The following GRIK1 variants were observed in gnomAD, a reference collection of about 807,000 sequenced individuals.
GRIK1 encodes glutamate ionotropic receptor kainate type subunit 1.
Under a neutral mutation model 105.7 loss-of-function variants are expected in GRIK1, and 69 were observed. The observed-to-expected ratio is 0.65, with a 90% CI of 0.54 to 0.80. The LOEUF (loss-of-function observed/expected upper bound fraction) is 0.80, where lower values mean the gene tolerates loss of function less well. Ranked by LOEUF, GRIK1 falls within the 30% of genes least tolerant of loss-of-function variation. GRIK1 has a pLI of 0.00. For synonymous variants in GRIK1, 438 were observed against 431.3 expected (o/e 1.02, Z -0.19); for missense variants, 1,109 against 1,167.3 (o/e 0.95, Z 0.73).
chr21:29,690,009 G>A, intron 2 of GRIK1, 24 bp from the exon 3 acceptor site: 1 of 1,337,834 alleles, frequency 7.5e-7, no homozygotes, highest in Non-Finnish European at 1.1e-6. Flanking sequence ...ACAAGGAGAG[G>A]ATGGGGAGGG....
At chr21:29,878,092 G>A (rs1465886570) in intron 1 of GRIK1, among the ~76,000 whole-genome samples, 1 of 151,730 alleles carries the variant, frequency 6.6e-6, no homozygotes, top group African/African-American at 2.4e-5. Context: ...GCTGAAGTAA[G>A]GGTATTTCTC....
At chr21:29,719,416 A>C (rs1426315282) in intron 1 of GRIK1, among the ~76,000 whole-genome samples, 1 of 152,114 alleles carries the variant, frequency 6.6e-6, no homozygotes, top group African/African-American at 2.4e-5. Flanking sequence ...CAATAAAGTA[A>C]CTTTTCAGCC....
chr21:29,807,282 C>T (rs930741736), intron 1 of GRIK1, among the ~76,000 whole-genome samples: 1 of 151,964 alleles, frequency 6.6e-6, no homozygotes, highest in Non-Finnish European at 1.5e-5. Context: ...CCTGTGGCGG[C>T]TGTGGGGTGT....
chr21:29,571,635 T>A (rs562677359), intron 14 of GRIK1, among the ~76,000 whole-genome samples: 4 of 152,226 alleles, frequency 2.6e-5, no homozygotes, highest in Non-Finnish European at 5.9e-5. Context: ...CCCTTGCTTG[T>A]GGCCTAGCGA....
chr21:29,848,779 A>ATATATATATATATATATATTTTTTTTT, intron 1 of GRIK1, among the ~76,000 whole-genome samples: 4 of 77,864 alleles, frequency 5.1e-5, no homozygotes, highest in African/African-American at 1.8e-4. Flanking sequence ...ATATATATAT[A>ATATATATATATATATATATTTTTTTTT]TTTTTTTTTT....
chr21:29,933,569 C>G (rs1185454850), intron 1 of GRIK1, among the ~76,000 whole-genome samples: 3 of 152,118 alleles, frequency 2.0e-5, no homozygotes. Context: ...CTTACTTGCT[C>G]AAATAGGTAA....
chr21:29,595,800 C>A (rs2061402023), intron 9 of GRIK1, among the ~76,000 whole-genome samples: 1 of 152,130 alleles, frequency 6.6e-6, no homozygotes, highest in Non-Finnish European at 1.5e-5. Context: ...GGGGACATTT[C>A]TCTGATCCAA....
intron 1 of GRIK1, among the ~76,000 whole-genome samples, chr21:29,802,745 A>C (rs562062090): frequency 7.2e-5 from 11 of 152,302 alleles, no homozygotes; most frequent in African/African-American, 2.6e-4. Flanking sequence ...TCTGCGATCC[A>C]TTTTGAACCC....
chr21:29,863,022 C>T (rs1311076590), intron 1 of GRIK1, among the ~76,000 whole-genome samples: 1 of 152,194 alleles, frequency 6.6e-6, no homozygotes, highest in African/African-American at 2.4e-5. Flanking sequence ...TAACTCTTGA[C>T]AGTACCTGTG....
chr21:29,635,355 G>T (rs2062374849), intron 7 of GRIK1, among the ~76,000 whole-genome samples: 1 of 152,194 alleles, frequency 6.6e-6, no homozygotes, highest in Non-Finnish European at 1.5e-5. Context: ...GGTCACGAGA[G>T]TGGTAGAGGT....
chr21:29,810,446 G>A (rs368927237), intron 1 of GRIK1, among the ~76,000 whole-genome samples: 61 of 152,008 alleles, frequency 4.0e-4, no homozygotes, highest in Admixed American at 1.0e-3. Context: ...ATGCAGGCGT[G>A]CCCAAAACCT....
intron 1 of GRIK1, among the ~76,000 whole-genome samples, chr21:29,697,435 G>A (rs753015941): frequency 1.3e-5 from 2 of 152,088 alleles, no homozygotes; most frequent in Non-Finnish European, 2.9e-5. Flanking sequence ...TTATGTGCTT[G>A]GGTAGTGTGT....
chr21:29,930,028 C>A (rs1332367354), intron 1 of GRIK1, among the ~76,000 whole-genome samples: 8 of 152,236 alleles, frequency 5.3e-5, no homozygotes, highest in African/African-American at 1.7e-4. Flanking sequence ...CATGAATAAA[C>A]CTGGATGACA....
At chr21:29,641,976 G>GA (rs1044185920) in intron 7 of GRIK1, among the ~76,000 whole-genome samples, 23 of 151,760 alleles carry the variant, frequency 1.5e-4, no homozygotes, top group African/African-American at 5.3e-4. Context: ...GTACAGAAAG[G>GA]AAAAAAATAC....
intron 7 of GRIK1, among the ~76,000 whole-genome samples, chr21:29,631,619 A>G (rs894536655): frequency 6.6e-6 from 1 of 152,216 alleles, no homozygotes; most frequent in Non-Finnish European, 1.5e-5. Flanking sequence ...GTGGCTGTTG[A>G]GCACTTGAAA....
At chr21:29,884,333 A>G (rs1312852273) in intron 1 of GRIK1, among the ~76,000 whole-genome samples, 1 of 152,048 alleles carries the variant, frequency 6.6e-6, no homozygotes, top group Admixed American at 6.6e-5. Context: ...TCATTTTACT[A>G]TCCTATCGTA....
At chr21:29,582,698 A>G (rs16984408) in intron 12 of GRIK1, among the ~76,000 whole-genome samples, 3,789 of 152,286 alleles carry the variant, frequency 0.025, 157 homozygotes, top group African/African-American at 0.085. Context: ...CCAAAAAGAC[A>G]TTAGCAGAAG....
At chr21:29,583,469 G>GT (rs1568847880) in intron 12 of GRIK1, among the ~76,000 whole-genome samples, 1 of 151,952 alleles carries the variant, frequency 6.6e-6, no homozygotes, top group African/African-American at 2.4e-5. Flanking sequence ...CAAACAGACC[G>GT]TAAGACTTGG....
chr21:29,733,084 T>C (rs2064682704), intron 1 of GRIK1, among the ~76,000 whole-genome samples: 1 of 152,184 alleles, frequency 6.6e-6, no homozygotes, highest in African/African-American at 2.4e-5. Context: ...GGGAGATGCT[T>C]TTGCAGTGCT....
Sources: gnomAD v4.1 joint callset for allele counts (sites outside exome capture counted in the v4.1 genomes callset) on GRCh38, gnomAD v4.1.1 for gene constraint, MANE v1.5 for transcripts, NCBI Gene and HGNC (gene_info 2026-07-23, HGNC 2026-07-21) for gene names.